CTNNA3: variants seen among roughly 807,000 people sequenced by gnomAD.
The protein encoded by CTNNA3 is catenin alpha 3, also known as catenin alpha-3.
A neutral mutation model predicts 95.7 loss-of-function variants in CTNNA3; 76 were observed. That is an observed-to-expected ratio of 0.79 (90% CI 0.66 to 0.96). The LOEUF (loss-of-function observed/expected upper bound fraction) is 0.96. Ranked by LOEUF, CTNNA3 falls within the 40% of genes least tolerant of loss-of-function variation. The pLI, the probability that CTNNA3 is intolerant of heterozygous loss-of-function variation, is 0.00. For missense variants in CTNNA3, 1,191 were observed against 1,089.8 expected (o/e 1.09, Z -1.31); for synonymous variants, 431 against 374.4 (o/e 1.15, Z -1.74).
chr10:66,199,264 T>C lies in CTNNA3; in HGVS notation c.1884+81206A>G, dbSNP rs750098450. On this transcript the variant is annotated intron_variant, in intron 13 of 17. Transcript: ENST00000433211. ...GGTTTTACATAAAAAATTTCAAAGATTGACTGTATTAAAAGCATTATAATA... is the reference window on the plus strand; with the variant it reads ...GGTTTTACATAAAAAATTTCAAAGACTGACTGTATTAAAAGCATTATAATA... 4.6e-5 allele frequency among the ~76,000 whole-genome samples: 7 copies of C among 152,182 alleles called. No individual in the cohort carries two copies. In the South Asian group the frequency reaches 8.3e-4, roughly 18 times the overall value.
intron 3 of CTNNA3, among the ~76,000 whole-genome samples, chr10:67,602,309 T>C (rs1393035692): frequency 6.6e-6 from 1 of 152,188 alleles, no homozygotes; most frequent in Non-Finnish European, 1.5e-5. Flanking sequence ...GAGCTTAAAA[T>C]TCCTTCCAAG....
At chr10:66,803,491 A>G (rs1841511706) in intron 7 of CTNNA3, among the ~76,000 whole-genome samples, 1 of 151,970 alleles carries the variant, frequency 6.6e-6, no homozygotes, top group Non-Finnish European at 1.5e-5. Context: ...TTATCACTAC[A>G]CATTGTATAT....
At position 66,584,955 on chromosome 10, in the gene CTNNA3, G is replaced by A. The variant is rs552265386; in HGVS notation, c.1374+36737C>T. Among the ~76,000 whole-genome samples, 12 of 152,064 alleles carry A rather than the reference G, an allele frequency of 7.9e-5. No homozygotes were observed. The South Asian group carries it at 2.5e-3, about 32-fold the overall frequency. ...CTTTATCTATGAAAGAGTTTTGCTGGACACAAAATTCTTGACCAACAGTCA... is the reference window on the plus strand; with the variant it reads ...CTTTATCTATGAAAGAGTTTTGCTGAACACAAAATTCTTGACCAACAGTCA... On this transcript the variant is annotated intron_variant, in intron 10 of 17. Coordinates refer to ENST00000433211, the MANE Select transcript of CTNNA3 (RefSeq NM_013266.4).
At chr10:67,161,517 T>C (rs1263704954) in intron 7 of CTNNA3, among the ~76,000 whole-genome samples, 1 of 151,736 alleles carries the variant, frequency 6.6e-6, no homozygotes, top group African/African-American at 2.4e-5. Context: ...ACTACTAAAA[T>C]AGCTATATAA....
intron 6 of CTNNA3, among the ~76,000 whole-genome samples, chr10:67,198,101 T>C (rs1015244282): frequency 1.3e-5 from 2 of 152,178 alleles, no homozygotes; most frequent in Admixed American, 6.5e-5. Context: ...TATTTAATTA[T>C]GATTAATTTA....
intron 5 of CTNNA3, among the ~76,000 whole-genome samples, chr10:67,240,199 A>G (rs1212071336): frequency 6.6e-6 from 1 of 152,206 alleles, no homozygotes; most frequent in African/African-American, 2.4e-5. Flanking sequence ...TTTGTTTGAG[A>G]TTAAGATGTG....
intron 2 of CTNNA3, among the ~76,000 whole-genome samples, chr10:67,637,375 T>C (rs565671587): frequency 1.3e-5 from 2 of 152,258 alleles, no homozygotes; most frequent in South Asian, 4.1e-4. Context: ...GAAAAGACCA[T>C]ATCTATGTCT....
intron 5 of CTNNA3, among the ~76,000 whole-genome samples, chr10:67,225,371 G>C (rs1056400571): frequency 3.3e-5 from 5 of 152,140 alleles, no homozygotes; most frequent in Non-Finnish European, 7.4e-5. Context: ...TACTACCACA[G>C]CTGATGCTCT....
intron 12 of CTNNA3, among the ~76,000 whole-genome samples, chr10:66,290,979 G>C (rs867555656): frequency 3.3e-5 from 5 of 152,268 alleles, no homozygotes; most frequent in Middle Eastern, 3.4e-3. Context: ...GAGACAGAAA[G>C]CCTCAGATCA....
intron 2 of CTNNA3, among the ~76,000 whole-genome samples, chr10:67,617,669 G>A (rs1224879897): frequency 6.6e-6 from 1 of 151,950 alleles, no homozygotes; most frequent in East Asian, 1.9e-4. Context: ...GGTCTTTGAG[G>A]AACTGCCGCA....
At chr10:66,863,454 A>AG (rs1178298950) in intron 7 of CTNNA3, among the ~76,000 whole-genome samples, 2 of 152,046 alleles carry the variant, frequency 1.3e-5, no homozygotes, top group African/African-American at 4.8e-5. Flanking sequence ...GGCTTTTACT[A>AG]GGGAGGTAGT....
At chr10:67,646,446 G>A (rs74500818) in intron 2 of CTNNA3, among the ~76,000 whole-genome samples, 2,188 of 151,530 alleles carry the variant, frequency 0.014, 21 homozygotes, top group Non-Finnish European at 0.025. Flanking sequence ...TAACTATTAA[G>A]GTATCATCAG....
At chr10:66,024,189 A>C (rs568763422) in intron 15 of CTNNA3, among the ~76,000 whole-genome samples, 5 of 144,178 alleles carry the variant, frequency 3.5e-5, no homozygotes, top group South Asian at 4.5e-4. Flanking sequence ...TCCCGGGTTC[A>C]TGCCATTCTC....
At chr10:66,058,992 A>C (rs181546622) in intron 15 of CTNNA3, among the ~76,000 whole-genome samples, 235 of 152,252 alleles carry the variant, frequency 1.5e-3, no homozygotes, top group Non-Finnish European at 2.2e-3. Flanking sequence ...GTGATGTTTC[A>C]GGGGCACCTG....
intron 7 of CTNNA3, among the ~76,000 whole-genome samples, chr10:66,987,508 A>AATTT (rs1316676571): frequency 6.6e-6 from 1 of 152,142 alleles, no homozygotes; most frequent in African/African-American, 2.4e-5. Context: ...TTGTTTGTTT[A>AATTT]ATTTATTTTC....
intron 7 of CTNNA3, among the ~76,000 whole-genome samples, chr10:66,824,699 T>C (rs549508232): frequency 7.9e-5 from 12 of 152,218 alleles, no homozygotes; most frequent in African/African-American, 2.9e-4. Context: ...CAAACCCAAA[T>C]TGAAAGACGT....
At chr10:66,538,892 A>C (rs184981048) in intron 10 of CTNNA3, among the ~76,000 whole-genome samples, 1 of 152,290 alleles carries the variant, frequency 6.6e-6, no homozygotes, top group African/African-American at 2.4e-5. Flanking sequence ...GTGTTTTTAA[A>C]AAATTTTCCC....
intron 15 of CTNNA3, among the ~76,000 whole-genome samples, chr10:66,061,787 A>T (rs903976968): frequency 3.9e-5 from 6 of 152,112 alleles, no homozygotes; most frequent in South Asian, 2.1e-4. Flanking sequence ...AAAATCGAAT[A>T]CAAATTTCAT....
chr10:67,120,984 T>C (rs1472888026), intron 7 of CTNNA3, among the ~76,000 whole-genome samples: 1 of 152,048 alleles, frequency 6.6e-6, no homozygotes, highest in Non-Finnish European at 1.5e-5. Flanking sequence ...ATTTCAGAAA[T>C]AATTTCTTCT....
Sources: allele counts gnomAD v4.1 joint callset (sites outside exome capture counted in the v4.1 genomes callset), GRCh38; gene constraint gnomAD v4.1.1; transcripts MANE v1.5; gene names NCBI Gene and HGNC (gene_info 2026-07-23, HGNC 2026-07-21).